Variants in WHAMM observed in about 807,000 individuals in gnomAD.
The protein encoded by WHAMM is WASP homolog-associated protein with actin, membranes and microtubules.
Under a neutral mutation model 76.5 loss-of-function variants are expected in WHAMM, and 67 were observed. The ratio of observed to expected loss-of-function variants is 0.88; its 90% CI spans 0.72 to 1.07. The LOEUF is 1.07. Among genes scored for constraint, WHAMM ranks in the 50% least tolerant of loss-of-function variants. The pLI is 0.00. For missense variants in WHAMM, 1,021 were observed against 1,051.1 expected (o/e 0.97, Z 0.40); for synonymous variants, 419 against 422.1 (o/e 0.99, Z 0.09).
rs758716404 is a variant in WHAMM, at chr15:82,826,415, G to A, written c.1464G>A (p.Gln488=). 5.6e-6 allele frequency: 9 copies of A among 1,613,818 alleles called. No individual in the cohort carries two copies. The highest frequency in any genetic ancestry group is 1.7e-5 in the Admixed American group (1 of 59,996). Residue 488 remains glutamine, a synonymous_variant, in exon 7 of 10, where the codon CAG becomes CAA. Coordinates refer to ENST00000286760, the MANE Select transcript of WHAMM (RefSeq NM_001080435.3). ...GATTTGTATTATTCCACCAGGATCA[G>A]TGCAAAGAAAATCATCGGTTCAGAT... ...KRASLRSRKD[Q]CKENHRFRLQ...
At position 82,836,033 on chromosome 15, in the gene WHAMM, C is replaced by T. The variant is rs1287976539; in HGVS notation, c.*2497C>T. ...ATTCTCAGAATTTGCTTTCTAAGGG[C>T]TGCCAAACACAAGAGGCCTTTGAAA... On this transcript the variant is annotated 3_prime_UTR_variant, in exon 10 of 10. Coordinates refer to ENST00000286760, the MANE Select transcript of WHAMM (RefSeq NM_001080435.3). 1 of 152,202 alleles carries T rather than the reference C, an allele frequency of 6.6e-6. No individual in the cohort carries two copies. The highest frequency in any genetic ancestry group is 1.9e-4 in the East Asian group (1 of 5,202). 9.4% of individuals were successfully genotyped at this position (152,202 alleles called of 1,614,324 possible).
At position 82,810,730 on chromosome 15, in the gene WHAMM, AG is replaced by A. The variant is rs368024278; in HGVS notation, c.609+399del. The stretch of plus-strand genomic sequence containing the variant: ...TAAATGTAAGCAATTCCTGTGTATG[AG>A]GGGACGTCGCAAATGGGATAAAATG... On this transcript the variant is annotated intron_variant, in intron 1 of 9. Coordinates refer to ENST00000286760, the MANE Select transcript of WHAMM (RefSeq NM_001080435.3). 1.8e-4 allele frequency: 173 copies of A among 985,464 alleles called. 1 individual carries two copies. The African/African-American group carries it at 2.9e-3, about 16-fold the overall frequency. 61.0% of individuals were successfully genotyped at this position (985,464 alleles called of 1,614,324 possible). A position where few individuals can be genotyped will look rare whatever the true frequency, so the allele number is the denominator to read the frequency against.
rs991869147 is a variant in WHAMM, at chr15:82,810,603, C to A, written c.609+268C>A. 3.5e-5 allele frequency: 34 copies of A among 985,284 alleles called. No individual in the cohort carries two copies. The African/African-American group carries it at 5.6e-4, about 16-fold the overall frequency. 61.0% of individuals were successfully genotyped at this position (985,284 alleles called of 1,614,324 possible). ...GCTGGGCTAGGCCCCCAACTTTTGC[C>A]CTGAAGATGCTGGCAGAGCAGGATG... On this transcript the variant is annotated intron_variant, in intron 1 of 9. Transcript: ENST00000286760.
chr15:82,831,038 C>G lies in WHAMM; in HGVS notation c.2081C>G (p.Ala694Gly). Reference sequence around the variant, plus strand: ...CGTCCTCTAGTGTGCGAATCACCTGCTGAGCGACCACGTGACTCCTTGGAA... The same window carrying G: ...CGTCCTCTAGTGTGCGAATCACCTGGTGAGCGACCACGTGACTCCTTGGAA... The part of the protein sequence containing the change: ...QPRPLVCESP[A>G]ERPRDSLESF... The change falls in exon 9 of 10, where the codon GCT becomes GGT. Residue 694 changes from alanine (A) to glycine (G), a missense_variant. Coordinates refer to ENST00000286760, the MANE Select transcript of WHAMM (RefSeq NM_001080435.3). 1.2e-6 allele frequency: 2 copies of G among 1,610,876 alleles called. No individual in the cohort carries two copies.
chr15:82,810,020 G>A lies in WHAMM; in HGVS notation c.294G>A (p.Trp98Ter), dbSNP rs1348835157. The A allele has an allele frequency of 1.6e-6, 2 of 1,256,382 alleles. No homozygotes were observed. Among genetic ancestry groups the A allele is most frequent in the Admixed American group, 4.0e-5 (1 of 24,788 alleles). The allele number at this position is 1,256,382 out of a possible 1,614,324, so 77.8% of individuals were successfully genotyped here. A position where few individuals can be genotyped will look rare whatever the true frequency, so the allele number is the denominator to read the frequency against. The change falls in exon 1 of 10, where the codon TGG (tryptophan) becomes TGA (stop). Residue 98 changes from tryptophan to a stop codon, truncating the protein, a stop_gained. Transcript: ENST00000286760. LOFTEE classifies it high-confidence loss of function. ...CGCACCGGCAGTTGGCGGCGCTGTG[G>A]CCGCCTCTGGAGCGCTGCTTCCCGC... ...RGAHRQLAAL[W>*]PPLERCFPRL...
In WHAMM at chr15:82,810,279, T is replaced by G. The variant is rs1366213903; in HGVS notation, c.553T>G (p.Phe185Val). ...GAADCESPRE[F>V]RERALRARWV... ...GGCCGACTGCGAAAGCCCGCGCGAG[T>G]TCCGGGAGCGGGCCTTGCGCGCGCG... The change falls in exon 1 of 10, where the codon TTC becomes GTC. Residue 185 changes from phenylalanine to valine, a missense_variant. Physicochemically the swap from Phe to Val is conservative, Grantham distance 50. Around this residue, in one of 3 missense-constraint regions of WHAMM, gnomAD observed 501 missense variants for 524.9 expected, o/e 0.95. Coordinates refer to ENST00000286760, the MANE Select transcript of WHAMM (RefSeq NM_001080435.3). 3 of 1,370,042 alleles carry G rather than the reference T, an allele frequency of 2.2e-6. No homozygotes were observed. The highest frequency in any genetic ancestry group is 9.4e-7 in the Non-Finnish European group (1 of 1,064,624). The allele number at this position is 1,370,042 out of a possible 1,614,324, so 84.9% of individuals were successfully genotyped here. A position where few individuals can be genotyped will look rare whatever the true frequency, so the allele number is the denominator to read the frequency against.
chr15:82,809,785 T>C lies in WHAMM; in HGVS notation c.59T>C (p.Phe20Ser), dbSNP rs763784842. 4 of 1,599,640 alleles carry C rather than the reference T, an allele frequency of 2.5e-6. No homozygotes were observed. Among genetic ancestry groups the C allele is most frequent in the Non-Finnish European group, 3.4e-6 (4 of 1,174,122 alleles). The change falls in exon 1 of 10, where the codon TTC (phenylalanine) becomes TCC (serine). Residue 20 changes from phenylalanine (F) to serine (S), a missense_variant. Around this residue, in one of 3 missense-constraint regions of WHAMM, gnomAD observed 501 missense variants for 524.9 expected, o/e 0.95. Coordinates refer to ENST00000286760, the MANE Select transcript of WHAMM (RefSeq NM_001080435.3). The stretch of plus-strand genomic sequence containing the variant: ...TGGGTGCCGGTCCGGGAGGGCCTCT[T>C]CGCCGAGCCCGAGAGGCACCGGCTG... ...EGWVPVREGL[F>S]AEPERHRLRF...
chr15:82,810,474 G>T, intron 1 of WHAMM, 139 bp downstream of exon 1: 2 of 1,225,034 alleles, frequency 1.6e-6, no homozygotes, highest in East Asian at 3.4e-5. Flanking sequence ...GGGCTCCCCA[G>T]TGCCGTCACC....
At chr15:82,812,388 C>G (rs1290764936) in intron 1 of WHAMM, among the ~76,000 whole-genome samples, 1 of 152,202 alleles carries the variant, frequency 6.6e-6, no homozygotes, top group Non-Finnish European at 1.5e-5. Context: ...GCCACCACGC[C>G]CGGCTAATCT....
chr15:82,830,057 G>A (rs762773594), intron 8 of WHAMM, among the ~76,000 whole-genome samples: 2 of 152,062 alleles, frequency 1.3e-5, no homozygotes, highest in Non-Finnish European at 2.9e-5. Flanking sequence ...CTTGGATGTC[G>A]ACTGTGCTGG....
At chr15:82,828,861 G>T (rs564201503) in intron 8 of WHAMM, among the ~76,000 whole-genome samples, 4 of 152,292 alleles carry the variant, frequency 2.6e-5, no homozygotes, top group South Asian at 4.1e-4. Context: ...TTGGGTAAAA[G>T]AATTTAAGAA....
Position 82,810,434 on chromosome 15 carries a change from G to T in WHAMM, c.609+99G>T, listed in dbSNP as rs554894002. The T allele has an allele frequency of 1.4e-5, 17 of 1,220,692 alleles. No homozygotes were observed. In the African/African-American group the frequency reaches 1.4e-4, roughly 10 times the overall value. 75.6% of individuals were successfully genotyped at this position (1,220,692 alleles called of 1,614,324 possible). ...CCGAGAGCCCTGGCTGACGGCTGACGGGGAGGAGCCGGCGGGCGGAGAAGG... is the reference window on the plus strand; with the variant it reads ...CCGAGAGCCCTGGCTGACGGCTGACTGGGAGGAGCCGGCGGGCGGAGAAGG... On this transcript the variant is annotated intron_variant, in intron 1 of 9. Coordinates refer to ENST00000286760, the MANE Select transcript of WHAMM (RefSeq NM_001080435.3).
rs2051118663 is a variant in WHAMM at position 82,835,655 on chromosome 15, C to G, written c.*2119C>G. The G allele has an allele frequency of 6.6e-6, 1 of 152,446 alleles. No homozygotes were observed. The highest frequency in any genetic ancestry group is 2.4e-5 in the African/African-American group (1 of 41,476). The allele number at this position is 152,446 out of a possible 1,614,324, so 9.4% of individuals were successfully genotyped here. On this transcript the variant is annotated 3_prime_UTR_variant, in exon 10 of 10. Transcript: ENST00000286760. ...AATGAATGTGCCTCACTGTGCTGGCCCAGGCCTGATGGGCCAAGCCCTGAC... is the reference window on the plus strand; with the variant it reads ...AATGAATGTGCCTCACTGTGCTGGCGCAGGCCTGATGGGCCAAGCCCTGAC...
Position 82,835,932 on chromosome 15 carries a change from G to A in WHAMM, c.*2396G>A, listed in dbSNP as rs991865321. The stretch of plus-strand genomic sequence containing the variant: ...GGACTTTTCTTATGCATATTTTGCA[G>A]TTTGGCATTGTTTGTAATTACGTAT... On this transcript the variant is annotated 3_prime_UTR_variant, in exon 10 of 10. Coordinates refer to ENST00000286760, the MANE Select transcript of WHAMM (RefSeq NM_001080435.3). 4 of 152,236 alleles carry A rather than the reference G, an allele frequency of 2.6e-5. No individual in the cohort carries two copies. Among genetic ancestry groups the A allele is most frequent in the Non-Finnish European group, 5.9e-5 (4 of 68,038 alleles). The allele number at this position is 152,236 out of a possible 1,614,324, so 9.4% of individuals were successfully genotyped here.
intron 8 of WHAMM, among the ~76,000 whole-genome samples, chr15:82,828,270 A>G (rs1381775531): frequency 6.6e-6 from 1 of 152,218 alleles, no homozygotes; most frequent in Non-Finnish European, 1.5e-5. Flanking sequence ...GTTAAACAGC[A>G]GGAATTGAAG....
intron 1 of WHAMM, 44 bp downstream of exon 1, chr15:82,810,379 C>A: frequency 7.9e-7 from 1 of 1,267,742 alleles, no homozygotes; most frequent in South Asian, 2.8e-5. Context: ...GCTTCCATGG[C>A]CTGGGACACT....
At chr15:82,811,308 T>G (rs2050624434) in intron 1 of WHAMM, among the ~76,000 whole-genome samples, 1 of 152,178 alleles carries the variant, frequency 6.6e-6, no homozygotes, top group Non-Finnish European at 1.5e-5. Context: ...GCGTTTGATC[T>G]TCAACTTTAT....
At chr15:82,813,025 CTTTTG>C (rs1403172608) in intron 1 of WHAMM, 73 bp from the exon 2 acceptor site, 3 of 1,133,928 alleles carry the variant, frequency 2.6e-6, no homozygotes, top group East Asian at 2.9e-5. Flanking sequence ...ATGAAGGTTT[CTTTTG>C]TTTAGTTTTG....
At chr15:82,823,723 G>A (rs1158349199) in intron 6 of WHAMM, among the ~76,000 whole-genome samples, 1 of 152,038 alleles carries the variant, frequency 6.6e-6, no homozygotes, top group Non-Finnish European at 1.5e-5. Flanking sequence ...GCGCCAGCAC[G>A]CCCAGCTAAT....
Sources: gnomAD v4.1 joint callset for allele counts (sites outside exome capture counted in the v4.1 genomes callset) on GRCh38, gnomAD v4.1.1 for gene constraint, gnomAD v4.1.1 regional missense constraint, MANE v1.5 for transcripts, NCBI Gene and HGNC (gene_info 2026-07-23, HGNC 2026-07-21) for gene names.